Variants in DPP10 observed in about 807,000 individuals in gnomAD.
DPP10 encodes the protein inactive dipeptidyl peptidase 10.
Under a neutral mutation model 120.9 loss-of-function variants are expected in DPP10, and 33 were observed. The ratio of observed to expected loss-of-function variants is 0.27; its 90% CI spans 0.21 to 0.37. The LOEUF (loss-of-function observed/expected upper bound fraction) is 0.37. Ranked by LOEUF, DPP10 falls within the 10% of genes least tolerant of loss-of-function variation. The pLI is 1.00. For missense variants in DPP10, 816 were observed against 942.8 expected, an observed-to-expected ratio of 0.87 and a Z score of 1.76; for synonymous variants, 337 against 326.1, an observed-to-expected ratio of 1.03 and a Z score of -0.36.
intron 1 of DPP10, among the ~76,000 whole-genome samples, chr2:114,805,555 C>T (rs769653537): frequency 1.3e-5 from 2 of 152,188 alleles, no homozygotes; most frequent in Non-Finnish European, 2.9e-5. Context: ...TTAACGCTAG[C>T]CCTTCTCTCA....
At chr2:115,190,745 G>C (rs922432977) in intron 1 of DPP10, among the ~76,000 whole-genome samples, 1 of 152,150 alleles carries the variant, frequency 6.6e-6, no homozygotes, top group Non-Finnish European at 1.5e-5. Context: ...TGCCCGGTCC[G>C]TGAGAGAACC....
chr2:114,528,414 C>T (rs754267144), intron 1 of DPP10, among the ~76,000 whole-genome samples: 31 of 152,074 alleles, frequency 2.0e-4, no homozygotes, highest in Non-Finnish European at 3.8e-4. Context: ...GGTCTAGCTG[C>T]TCCACCCATT....
chr2:114,914,879 C>A (rs774042332), intron 1 of DPP10, among the ~76,000 whole-genome samples: 4 of 152,174 alleles, frequency 2.6e-5, no homozygotes, highest in African/African-American at 9.7e-5. Context: ...CGCCTGTAAT[C>A]CCAGCACTTT....
chr2:115,290,829 T>A (rs1417664255), intron 1 of DPP10, among the ~76,000 whole-genome samples: 1 of 152,160 alleles, frequency 6.6e-6, no homozygotes, highest in Non-Finnish European at 1.5e-5. Context: ...AAGGACATTC[T>A]TCTATTTGGC....
chr2:115,521,192 T>C (rs1313265325), intron 4 of DPP10, among the ~76,000 whole-genome samples: 1 of 152,096 alleles, frequency 6.6e-6, no homozygotes, highest in Non-Finnish European at 1.5e-5. Flanking sequence ...ATTTAAAGAA[T>C]ACAAGCAATG....
chr2:114,947,345 C>A (rs951624951), intron 1 of DPP10, among the ~76,000 whole-genome samples: 2 of 150,062 alleles, frequency 1.3e-5, no homozygotes, highest in African/African-American at 4.9e-5. Flanking sequence ...TCCATATTGG[C>A]CTAATACACA....
intron 5 of DPP10, among the ~76,000 whole-genome samples, chr2:115,657,109 G>A (rs1055991498): frequency 2.6e-5 from 4 of 151,132 alleles, no homozygotes; most frequent in Admixed American, 1.3e-4. Flanking sequence ...TGCTTCCATT[G>A]GCATTAAATA....
At chr2:115,605,513 G>A (rs2083645131) in intron 5 of DPP10, among the ~76,000 whole-genome samples, 1 of 152,000 alleles carries the variant, frequency 6.6e-6, no homozygotes, top group African/African-American at 2.4e-5. Context: ...TCTCCAGAAT[G>A]TAAGGGAAGT....
intron 1 of DPP10, among the ~76,000 whole-genome samples, chr2:114,642,916 C>T (rs925280703): frequency 2.6e-5 from 4 of 151,858 alleles, no homozygotes; most frequent in African/African-American, 7.3e-5. Flanking sequence ...TGTTTTCATC[C>T]CTGTTTTACT....
intron 10 of DPP10, chr2:115,750,008 C>G (rs1428062795): frequency 1.0e-6 from 1 of 985,264 alleles, no homozygotes; most frequent in Non-Finnish European, 1.2e-6. Context: ...GGACCAGATC[C>G]TCGAGGACTT....
At chr2:115,476,453 C>A (rs374714996) in intron 3 of DPP10, among the ~76,000 whole-genome samples, 16 of 152,124 alleles carry the variant, frequency 1.1e-4, no homozygotes, top group African/African-American at 3.9e-4. Flanking sequence ...CTTTACAAAT[C>A]ATCCAGTCTC....
At chr2:114,673,747 T>G (rs998523758) in intron 1 of DPP10, among the ~76,000 whole-genome samples, 2 of 152,152 alleles carry the variant, frequency 1.3e-5, no homozygotes, top group African/African-American at 4.8e-5. Flanking sequence ...TTTTTCTAAG[T>G]GTTATGAAAA....
intron 12 of DPP10, among the ~76,000 whole-genome samples, chr2:115,766,320 ATATATGTATATATATATG>A (rs1302400560): frequency 3.3e-4 from 27 of 81,468 alleles, no homozygotes; most frequent in African/African-American, 7.4e-4. Context: ...GTATATATAT[ATATATGTATATATATATG>A]TATATATATA....
At chr2:115,134,673 A>C (rs2050555548) in intron 1 of DPP10, among the ~76,000 whole-genome samples, 1 of 152,124 alleles carries the variant, frequency 6.6e-6, no homozygotes, top group African/African-American at 2.4e-5. Context: ...AGATCAGAGT[A>C]ATAGCATAAT....
chr2:115,673,439 C>T (rs2090056321), intron 5 of DPP10, among the ~76,000 whole-genome samples: 1 of 152,124 alleles, frequency 6.6e-6, no homozygotes, highest in South Asian at 2.1e-4. Flanking sequence ...ATATTGAATG[C>T]AATTGCTAAT....
At chr2:115,440,580 A>G (rs922207111) in intron 3 of DPP10, among the ~76,000 whole-genome samples, 2 of 152,218 alleles carry the variant, frequency 1.3e-5, no homozygotes, top group African/African-American at 4.8e-5. Context: ...TAACGCTCAA[A>G]ATTCTCTCGG....
chr2:115,416,641 G>C (rs2069457812), intron 3 of DPP10, among the ~76,000 whole-genome samples: 2 of 152,234 alleles, frequency 1.3e-5, no homozygotes, highest in Admixed American at 1.3e-4. Flanking sequence ...TAGATATTCA[G>C]ATACTCAATA....
chr2:115,153,299 A>C (rs1355831764), intron 1 of DPP10, among the ~76,000 whole-genome samples: 2 of 152,184 alleles, frequency 1.3e-5, no homozygotes, highest in Non-Finnish European at 2.9e-5. Context: ...CTGTTGGGAA[A>C]GGGGCTCCCC....
intron 17 of DPP10, among the ~76,000 whole-genome samples, chr2:115,786,161 T>C (rs2149889732): frequency 6.6e-6 from 1 of 152,322 alleles, no homozygotes; most frequent in Admixed American, 6.5e-5. Context: ...TATAACAGTC[T>C]ATGATTATTT....
Sources: allele counts gnomAD v4.1 joint callset (sites outside exome capture counted in the v4.1 genomes callset), GRCh38; gene constraint gnomAD v4.1.1; transcripts MANE v1.5; gene names NCBI Gene and HGNC (gene_info 2026-07-23, HGNC 2026-07-21).